Variants in MTMR4 observed in about 807,000 individuals in gnomAD.
MTMR4 encodes phosphatidylinositol-3,5-bisphosphate 3-phosphatase MTMR4.
MTMR4 carries 30 observed loss-of-function variants against 125.5 expected under a neutral mutation model. The observed-to-expected ratio is 0.24, with a 90% CI of 0.18 to 0.32. MTMR4 has a LOEUF of 0.32. Among genes scored for constraint, MTMR4 ranks in the 10% least tolerant of loss-of-function variants. The probability of loss-of-function intolerance (pLI) is 1.00; values close to 1 mark genes in which losing one functional copy is unlikely to be tolerated. For missense variants in MTMR4, 1,039 were observed against 1,511.5 expected (o/e 0.69, Z 5.18); for synonymous variants, 498 against 564.5 (o/e 0.88, Z 1.67).
At chr17:58,505,010 G>A (rs1409066063) in intron 10 of MTMR4, 36 bp from the exon 11 acceptor site, 4 of 1,559,394 alleles carry the variant, frequency 2.6e-6, no homozygotes, top group African/African-American at 2.7e-5. Flanking sequence ...GTCACAAAGG[G>A]TGCTGAGGCC....
upstream of MTMR4, chr17:58,514,719 G>A: frequency 3.1e-6 from 3 of 962,286 alleles, no homozygotes; most frequent in Non-Finnish European, 3.7e-6. Context: ...CCGCCCACAA[G>A]CCCAGCCTCC....
chr17:58,502,012 T>C (rs962253974), intron 14 of MTMR4, among the ~76,000 whole-genome samples: 26 of 151,716 alleles, frequency 1.7e-4, no homozygotes, highest in Non-Finnish European at 2.2e-4. Context: ...TGAGCTGAGA[T>C]TGTGCCACTG....
At chr17:58,496,970 A>C (rs1349416792) in intron 14 of MTMR4, among the ~76,000 whole-genome samples, 1 of 152,218 alleles carries the variant, frequency 6.6e-6, no homozygotes, top group African/African-American at 2.4e-5. Context: ...CTTGATAACC[A>C]CTTAGCAGCA....
Position 58,503,727 on chromosome 17 carries a change from A to G in MTMR4, c.1853+17T>C, listed in dbSNP as rs1456192539. On this transcript the variant is annotated intron_variant, in intron 14 of 17. Transcript: ENST00000682306. ...TTCCTAGTGGAGAGAGGAGAAAGGAAGAAGGGCTTTTCTTACCTGTCCAGA... is the reference window on the plus strand; with the variant it reads ...TTCCTAGTGGAGAGAGGAGAAAGGAGGAAGGGCTTTTCTTACCTGTCCAGA... The G allele has an allele frequency of 1.9e-6, 3 of 1,606,074 alleles. No homozygotes were observed. Among genetic ancestry groups the G allele is most frequent in the Admixed American group, 1.7e-5 (1 of 58,828 alleles).
intron 17 of MTMR4, among the ~76,000 whole-genome samples, chr17:58,492,187 T>A (rs554549238): frequency 6.6e-6 from 1 of 152,340 alleles, no homozygotes; most frequent in Non-Finnish European, 1.5e-5. Flanking sequence ...TTTTTGTCCT[T>A]TTTGAGACAG....
chr17:58,513,054 G>T (rs1034549310), intron 1 of MTMR4, 113 bp from the exon 2 acceptor site: 8 of 774,242 alleles, frequency 1.0e-5, no homozygotes, highest in Admixed American at 7.4e-5. Flanking sequence ...CACCTCTAAA[G>T]GTTCTGGTCA....
At chr17:58,498,500 G>A (rs1445850071) in intron 14 of MTMR4, among the ~76,000 whole-genome samples, 1 of 132,862 alleles carries the variant, frequency 7.5e-6, no homozygotes, top group Non-Finnish European at 1.6e-5. Context: ...AGAAGAAGAA[G>A]AAGGAGGAGG....
rs1598220236 is a variant in MTMR4 at position 58,504,697 on chromosome 17, T to G, written c.1341+82A>C. On this transcript the variant is annotated intron_variant, in intron 11 of 17. Transcript: ENST00000682306. This position sits in a 1 kb window ranked among gnomAD's most constrained non-coding sequence, Gnocchi z 7.1. ...GCCACCAATGTCCTCTACTGAAAGA[T>G]CCCCAGGACAGATCCAGAGGGCTCA... 5 of 1,448,008 alleles carry G rather than the reference T, an allele frequency of 3.5e-6. No homozygotes were observed. The East Asian group carries it at 1.1e-4, about 33-fold the overall frequency. 89.7% of individuals were successfully genotyped at this position (1,448,008 alleles called of 1,614,324 possible).
chr17:58,496,390 G>A lies in MTMR4; in HGVS notation c.1854-60C>T, dbSNP rs1975469130. 6 of 1,372,030 alleles carry A rather than the reference G, an allele frequency of 4.4e-6. No individual in the cohort carries two copies. In the South Asian group the frequency reaches 8.4e-5, roughly 19 times the overall value. 85.0% of individuals were successfully genotyped at this position (1,372,030 alleles called of 1,614,324 possible). A position where few individuals can be genotyped will look rare whatever the true frequency, so the allele number is the denominator to read the frequency against. On this transcript the variant is annotated intron_variant, in intron 14 of 17. Coordinates refer to ENST00000682306, the MANE Select transcript of MTMR4 (RefSeq NM_001378067.1). ...GATGGGCACTTGCAATACAATATAT[G>A]GAACTGAATCAATGGAGCAATATCA...
At chr17:58,503,242 GTATCCAACCTTATC>G (rs1247682716) in intron 14 of MTMR4, among the ~76,000 whole-genome samples, 2 of 152,196 alleles carry the variant, frequency 1.3e-5, no homozygotes, top group Non-Finnish European at 2.9e-5. Flanking sequence ...AGGAAAGAAA[GTATCCAACCTTATC>G]TTCAGAGGAC....
In MTMR4 at chr17:58,495,098, G is replaced by A. The variant is rs1431320746; in HGVS notation, c.3086C>T (p.Pro1029Leu). 3.7e-6 allele frequency: 6 copies of A among 1,614,088 alleles called. No homozygotes were observed. The highest frequency in any genetic ancestry group is 5.1e-6 in the Non-Finnish European group (6 of 1,180,040). ...ATGCTGGATCACATCCGTGGGAAAG[G>A]GGAGTCCATCATCATCCAAATACAG... ...PPLYLDDDGL[P>L]FPTDVIQHRL... Residue 1029 changes from proline (P) to leucine (L), a missense_variant, in exon 15 of 18, where the codon CCC becomes CTC. Coordinates refer to ENST00000682306, the MANE Select transcript of MTMR4 (RefSeq NM_001378067.1).
chr17:58,511,656 A>G, intron 3 of MTMR4, 145 bp from the exon 4 acceptor site: 1 of 620,004 alleles, frequency 1.6e-6, no homozygotes, highest in African/African-American at 1.8e-5. Context: ...AACTGTACGG[A>G]GTCCTCTGCA....
rs1284717858 is a variant in MTMR4, at chr17:58,508,425, A to G, written c.593+43T>C. On this transcript the variant is annotated intron_variant, in intron 6 of 17. Transcript: ENST00000682306. This position sits in a 1 kb window ranked among gnomAD's most constrained non-coding sequence, Gnocchi z 4.8. ...CCACCACACTTTATCCAAACACGGAAGTAGTTTGGTGTGGAAGGTGTTTTG... is the reference window on the plus strand; with the variant it reads ...CCACCACACTTTATCCAAACACGGAGGTAGTTTGGTGTGGAAGGTGTTTTG... The G allele has an allele frequency of 6.3e-7, 1 of 1,586,444 alleles. No homozygotes were observed. The highest frequency in any genetic ancestry group is 1.7e-5 in the Admixed American group (1 of 59,976).
upstream of MTMR4, chr17:58,516,643 A>C (rs560772974): frequency 6.2e-7 from 1 of 1,605,742 alleles, no homozygotes; most frequent in African/African-American, 1.3e-5. Context: ...AGGAACATAA[A>C]AGTAAAGGAC....
Position 58,495,648 on chromosome 17 carries a change from A to C in MTMR4, c.2536T>G (p.Phe846Val), listed in dbSNP as rs370803633. ...CQTPLDPSTDFLNQDPSGSVA... is the reference protein window; with the variant it reads ...CQTPLDPSTDVLNQDPSGSVA... ...GACCCTGAGGGATCTTGGTTGAGGA[A>C]GTCAGTGCTTGGGTCTAGAGGAGTT... is the stretch of plus-strand genomic sequence containing the variant. The change falls in exon 15 of 18, where the codon TTC (phenylalanine) becomes GTC (valine). Residue 846 changes from phenylalanine (F) to valine (V), a missense_variant. Phe to Val is a conservative substitution (Grantham distance 50). Transcript: ENST00000682306. The C allele has an allele frequency of 6.2e-7, 1 of 1,614,128 alleles. No homozygotes were observed. The highest frequency in any genetic ancestry group is 8.5e-7 in the Non-Finnish European group (1 of 1,180,020).
chr17:58,496,796 A>C (rs942964456), intron 14 of MTMR4, among the ~76,000 whole-genome samples: 4 of 152,250 alleles, frequency 2.6e-5, no homozygotes, highest in Non-Finnish European at 5.9e-5. Context: ...CATGACTACA[A>C]ATAAGTAAAT....
intron 15 of MTMR4, among the ~76,000 whole-genome samples, 189 bp from the exon 16 acceptor site, chr17:58,493,141 T>C (rs1975358893): frequency 6.6e-6 from 1 of 152,234 alleles, no homozygotes. Flanking sequence ...AGCTGATACG[T>C]AGTAAAGCTG....
At chr17:58,502,156 A>C (rs1158050058) in intron 14 of MTMR4, among the ~76,000 whole-genome samples, 1 of 105,184 alleles carries the variant, frequency 9.5e-6, no homozygotes, top group Admixed American at 1.3e-4. Flanking sequence ...TGTATTTTAC[A>C]ATTTTTTTTT....
At position 58,496,289 on chromosome 17, in the gene MTMR4, C is replaced by A; in HGVS notation, c.1895G>T (p.Cys632Phe). 6.2e-7 allele frequency: 1 copy of A among 1,612,672 alleles called. No homozygotes were observed. Among genetic ancestry groups the A allele is most frequent in the Non-Finnish European group, 8.5e-7 (1 of 1,179,408 alleles). ...TRSMDDLLSA[C>F]DTSSPLTRTS... ...ACGAGTCAGGGGGCTGCTTGTGTCA[C>A]AGGCAGAAAGAAGATCATCCATGGA... Residue 632 changes from cysteine to phenylalanine, a missense_variant, in exon 15 of 18, where the codon TGT (cysteine) becomes TTT (phenylalanine). Physicochemically the swap from Cys to Phe is radical, Grantham distance 205 (BLOSUM62 -2). Around this residue, in one of 6 missense-constraint regions of MTMR4, gnomAD observed 619 missense variants for 714.5 expected, o/e 0.87. Transcript: ENST00000682306.
Sources: gnomAD v4.1 joint callset for allele counts (sites outside exome capture counted in the v4.1 genomes callset) on GRCh38, gnomAD v4.1.1 for gene constraint, gnomAD v4.1.1 regional missense constraint, Gnocchi (gnomAD v3.1) non-coding constraint, MANE v1.5 for transcripts, NCBI Gene and HGNC (gene_info 2026-07-23, HGNC 2026-07-21) for gene names.